Variants in FOXO1 observed in about 807,000 individuals in gnomAD.
The protein encoded by FOXO1 is forkhead box protein O1.
FOXO1 carries 6 observed loss-of-function variants against 44.1 expected under a neutral mutation model. That is an observed-to-expected ratio of 0.14 (90% CI 0.07 to 0.27). FOXO1 has a LOEUF of 0.27. Ranked by LOEUF, FOXO1 falls within the 10% of genes least tolerant of loss-of-function variation. The probability of loss-of-function intolerance (pLI) is 1.00; values close to 1 mark genes in which losing one functional copy is unlikely to be tolerated. For synonymous variants in FOXO1, 380 were observed against 362.7 expected (o/e 1.05, Z -0.54); for missense variants, 737 against 888.8 (o/e 0.83, Z 2.17).
At chr13:40,592,833 G>T (rs1875434283) in intron 1 of FOXO1, among the ~76,000 whole-genome samples, 1 of 152,138 alleles carries the variant, frequency 6.6e-6, no homozygotes, top group African/African-American at 2.4e-5. Context: ...CCAAGAAATG[G>T]TAAAGGCGTG....
chr13:40,604,698 T>C (rs1179614427), intron 1 of FOXO1, among the ~76,000 whole-genome samples: 2 of 152,212 alleles, frequency 1.3e-5, no homozygotes, highest in Non-Finnish European at 2.9e-5. Context: ...CAGACAACTC[T>C]ATATTTTTTT....
chr13:40,662,170 CAAAAAAAAAA>C (rs57350461), intron 1 of FOXO1, among the ~76,000 whole-genome samples: 3 of 56,724 alleles, frequency 5.3e-5, no homozygotes, highest in East Asian at 8.7e-4. Context: ...GACTCTGACT[CAAAAAAAAAA>C]AAAAAAAAAA....
chr13:40,635,900 C>T (rs1465300033), intron 1 of FOXO1, among the ~76,000 whole-genome samples: 1 of 152,212 alleles, frequency 6.6e-6, no homozygotes, highest in Non-Finnish European at 1.5e-5. Flanking sequence ...GACAGACCCA[C>T]AGTGGCGCCC....
rs1020658088 is a variant in FOXO1 at position 40,557,976 on chromosome 13, A to C, written c.*1073T>G. ...TTAAGTTATCCTAAATAAGAAACGC[A>C]AAGTGTCCATAACTATACATCACTT... On this transcript the variant is annotated 3_prime_UTR_variant, in exon 3 of 3. Coordinates refer to ENST00000379561, the MANE Select transcript of FOXO1 (RefSeq NM_002015.4). The C allele has an allele frequency of 6.6e-6, 1 of 152,560 alleles. No homozygotes were observed. Among genetic ancestry groups the C allele is most frequent in the Non-Finnish European group, 1.5e-5 (1 of 68,032 alleles). 9.5% of individuals were successfully genotyped at this position (152,560 alleles called of 1,614,324 possible).
chr13:40,561,943 C>CAAAAAAAAA (rs60373589), intron 1 of FOXO1, among the ~76,000 whole-genome samples: 5 of 67,552 alleles, frequency 7.4e-5, no homozygotes, highest in African/African-American at 2.1e-4. Flanking sequence ...ACTCTGTCGC[C>CAAAAAAAAA]AAAAAAAAAA....
At chr13:40,595,745 A>C (rs75242882) in intron 1 of FOXO1, among the ~76,000 whole-genome samples, 3,387 of 152,164 alleles carry the variant, frequency 0.022, 118 homozygotes, top group African/African-American at 0.074. Context: ...ACCCACCCTG[A>C]TCACTTCTAT....
At chr13:40,611,345 T>TA (rs1341310512) in intron 1 of FOXO1, among the ~76,000 whole-genome samples, 1 of 152,134 alleles carries the variant, frequency 6.6e-6, no homozygotes, top group Admixed American at 6.5e-5. Flanking sequence ...TAAACAAACT[T>TA]AAGACAGCAC....
At chr13:40,663,202 C>A (rs112710960) in intron 1 of FOXO1, among the ~76,000 whole-genome samples, 1 of 151,794 alleles carries the variant, frequency 6.6e-6, no homozygotes, top group African/African-American at 2.4e-5. Context: ...CTAGCTCTGG[C>A]AAATAAATTT....
At position 40,558,869 on chromosome 13, in the gene FOXO1, G is replaced by A; in HGVS notation, c.*180C>T. 4 of 398,196 alleles carry A rather than the reference G, an allele frequency of 1.0e-5. No individual in the cohort carries two copies. Among genetic ancestry groups the A allele is most frequent in the Non-Finnish European group, 1.8e-5 (4 of 225,990 alleles). 24.7% of individuals were successfully genotyped at this position (398,196 alleles called of 1,614,324 possible). On this transcript the variant is annotated 3_prime_UTR_variant, in exon 3 of 3. Transcript: ENST00000379561. ...ACACATTGGGCAAACATCCTGTACA[G>A]GAAAAATGTCTTTGCTGCCAAGTCT...
chr13:40,619,206 A>C (rs1311418135), intron 1 of FOXO1: 1 of 359,842 alleles, frequency 2.8e-6, no homozygotes, highest in Non-Finnish European at 5.3e-6. Flanking sequence ...AGGCAGGAGA[A>C]TCGCTTGAAT....
At chr13:40,573,116 T>C (rs1874606213) in intron 1 of FOXO1, among the ~76,000 whole-genome samples, 1 of 152,186 alleles carries the variant, frequency 6.6e-6, no homozygotes, top group African/African-American at 2.4e-5. Context: ...TTTGCTTATT[T>C]GTAAGGCCAA....
At chr13:40,636,344 A>G (rs1877150774) in intron 1 of FOXO1, among the ~76,000 whole-genome samples, 1 of 152,134 alleles carries the variant, frequency 6.6e-6, no homozygotes, top group Non-Finnish European at 1.5e-5. Flanking sequence ...TAAAATGTTG[A>G]TGATACTTAC....
chr13:40,661,494 A>C (rs894293350), intron 1 of FOXO1, among the ~76,000 whole-genome samples: 1 of 152,110 alleles, frequency 6.6e-6, no homozygotes, highest in Non-Finnish European at 1.5e-5. Context: ...ATGAGGTTTC[A>C]CCATGTTGCC....
At chr13:40,663,109 T>G (rs1355306456) in intron 1 of FOXO1, among the ~76,000 whole-genome samples, 1 of 152,232 alleles carries the variant, frequency 6.6e-6, no homozygotes, top group Non-Finnish European at 1.5e-5. Flanking sequence ...AAAGGCAGCC[T>G]ACTCCAAAGC....
chr13:40,587,971 T>C (rs1480117526), intron 1 of FOXO1, among the ~76,000 whole-genome samples: 4 of 152,218 alleles, frequency 2.6e-5, no homozygotes, highest in African/African-American at 4.8e-5. Flanking sequence ...ACTAACATTT[T>C]CGGGCTAGAA....
intron 1 of FOXO1, among the ~76,000 whole-genome samples, chr13:40,629,968 T>G (rs761637603): frequency 3.3e-5 from 5 of 152,242 alleles, no homozygotes; most frequent in Non-Finnish European, 5.9e-5. Flanking sequence ...TGGGCTTTTC[T>G]TGTGCTCAGC....
intron 1 of FOXO1, among the ~76,000 whole-genome samples, chr13:40,660,712 G>A (rs1256654994): frequency 2.6e-5 from 4 of 152,134 alleles, no homozygotes; most frequent in African/African-American, 9.7e-5. Context: ...GGATCTTGAA[G>A]ACCTTTAACT....
chr13:40,653,028 G>A (rs1391542304), intron 1 of FOXO1, among the ~76,000 whole-genome samples: 1 of 151,886 alleles, frequency 6.6e-6, no homozygotes, highest in Non-Finnish European at 1.5e-5. Context: ...GGAGTGCAGT[G>A]GCACAATCTC....
intron 1 of FOXO1, among the ~76,000 whole-genome samples, chr13:40,567,236 A>C (rs1874304715): frequency 6.6e-6 from 1 of 152,078 alleles, no homozygotes; most frequent in African/African-American, 2.4e-5. Flanking sequence ...AAAATAATGC[A>C]AAACCTCAAC....
Sources: gnomAD v4.1 joint callset for allele counts (sites outside exome capture counted in the v4.1 genomes callset) on GRCh38, gnomAD v4.1.1 for gene constraint, MANE v1.5 for transcripts, NCBI Gene and HGNC (gene_info 2026-07-23, HGNC 2026-07-21) for gene names.